The following VPS41 variants were observed in gnomAD, a reference collection of about 807,000 sequenced individuals.
VPS41 encodes the protein vacuolar protein sorting-associated protein 41 homolog.
Under a neutral mutation model 130.9 loss-of-function variants are expected in VPS41, and 85 were observed. That is an observed-to-expected ratio of 0.65 (90% CI 0.55 to 0.78). The LOEUF is 0.78. Among genes scored for constraint, VPS41 ranks in the 30% least tolerant of loss-of-function variants. The probability of loss-of-function intolerance (pLI) is 0.00; values close to 1 mark genes in which losing one functional copy is unlikely to be tolerated. For synonymous variants in VPS41, 335 were observed against 332.9 expected, an observed-to-expected ratio of 1.01 and a Z score of -0.07; for missense variants, 874 against 1,018.7, an observed-to-expected ratio of 0.86 and a Z score of 1.93.
chr7:38,767,724 T>C, intron 14 of VPS41, 126 bp from the exon 15 acceptor site: 1 of 489,320 alleles, frequency 2.0e-6, no homozygotes, highest in South Asian at 4.5e-5. Flanking sequence ...CTGTTTATAC[T>C]CTTAGCTTGC....
intron 4 of VPS41, among the ~76,000 whole-genome samples, chr7:38,850,180 C>T (rs1464300015): frequency 6.6e-6 from 1 of 152,194 alleles, no homozygotes; most frequent in East Asian, 1.9e-4. Flanking sequence ...TGTCCCAGCA[C>T]CAGGATCTGG....
intron 1 of VPS41, among the ~76,000 whole-genome samples, chr7:38,904,008 A>G (rs1787198040): frequency 6.6e-6 from 1 of 152,170 alleles, no homozygotes; most frequent in South Asian, 2.1e-4. Flanking sequence ...AGTTTGGGGA[A>G]TTAGCTAATA....
At position 38,726,102 on chromosome 7, in the gene VPS41, C is replaced by A; in HGVS notation, c.*144G>T. The A allele has an allele frequency of 1.6e-6, 1 of 628,934 alleles. No individual in the cohort carries two copies. Among genetic ancestry groups the A allele is most frequent in the African/African-American group, 1.8e-5 (1 of 54,582 alleles). The allele number at this position is 628,934 out of a possible 1,614,324, so 39.0% of individuals were successfully genotyped here. On this transcript the variant is annotated 3_prime_UTR_variant, in exon 29 of 29. Coordinates refer to ENST00000310301, the MANE Select transcript of VPS41 (RefSeq NM_014396.4). ...GAACTGCAAAGAGAAACCATTAGTA[C>A]AGGAATAGATGAAGAAATTGTTTTT...
chr7:38,795,855 A>T (rs1331396000), intron 8 of VPS41, among the ~76,000 whole-genome samples: 2 of 152,238 alleles, frequency 1.3e-5, no homozygotes, highest in Non-Finnish European at 2.9e-5. Flanking sequence ...ACTCAAACCC[A>T]ACAGAAACAT....
intron 1 of VPS41, among the ~76,000 whole-genome samples, chr7:38,903,628 C>G (rs536992241): frequency 6.6e-6 from 1 of 152,338 alleles, no homozygotes; most frequent in South Asian, 2.1e-4. Context: ...TCCCAACAAA[C>G]TATGCGCCCT....
At chr7:38,756,578 T>C (rs1203478792) in intron 19 of VPS41, among the ~76,000 whole-genome samples, 4 of 152,150 alleles carry the variant, frequency 2.6e-5, no homozygotes, top group Non-Finnish European at 5.9e-5. Context: ...AATTACTTTA[T>C]ATGCGCACAC....
chr7:38,774,124 A>T lies in VPS41; in HGVS notation c.1003T>A (p.Tyr335Asn). 1 of 1,602,316 alleles carries T rather than the reference A, an allele frequency of 6.2e-7. No individual in the cohort carries two copies. Among genetic ancestry groups the T allele is most frequent in the Non-Finnish European group, 8.5e-7 (1 of 1,171,976 alleles). The change falls in exon 12 of 29, where the codon TAT (tyrosine) becomes AAT (asparagine). Residue 335 changes from tyrosine (Y) to asparagine (N), a missense_variant. Physicochemically the swap from Tyr to Asn is moderately radical, Grantham distance 143 (BLOSUM62 -2). Coordinates refer to ENST00000310301, the MANE Select transcript of VPS41 (RefSeq NM_014396.4). Reference protein sequence around the residue: ...RGFQENECRDYHLEYSEGESL... With the variant: ...RGFQENECRDNHLEYSEGESL... ...CTTTCATATCTCCTACCTAAATGATAATCTCTACATTCATTCTCCTGAAAG... is the reference window on the plus strand; with the variant it reads ...CTTTCATATCTCCTACCTAAATGATTATCTCTACATTCATTCTCCTGAAAG...
chr7:38,755,009 G>A (rs946939993), intron 19 of VPS41, 73 bp from the exon 20 acceptor site: 9 of 1,407,602 alleles, frequency 6.4e-6, no homozygotes, highest in East Asian at 2.3e-5. Flanking sequence ...ACAATGCAGT[G>A]TACCTACCAC....
At chr7:38,741,644 G>C (rs1012412707) in intron 25 of VPS41, among the ~76,000 whole-genome samples, 2 of 152,168 alleles carry the variant, frequency 1.3e-5, no homozygotes, top group African/African-American at 4.8e-5. Flanking sequence ...GGGGTGGCCC[G>C]ATCTAATGGC....
intron 4 of VPS41, among the ~76,000 whole-genome samples, chr7:38,859,652 G>C (rs1460451980): frequency 6.6e-6 from 1 of 152,164 alleles, no homozygotes; most frequent in Admixed American, 6.5e-5. Flanking sequence ...ACAGTAGGCT[G>C]TACCACCTAG....
At chr7:38,882,521 T>C (rs953609458) in intron 2 of VPS41, among the ~76,000 whole-genome samples, 4 of 152,186 alleles carry the variant, frequency 2.6e-5, no homozygotes, top group Admixed American at 6.5e-5. Flanking sequence ...CAGTCCAGAC[T>C]TGAACTACTC....
At chr7:38,741,764 T>C (rs1403818703) in intron 25 of VPS41, among the ~76,000 whole-genome samples, 3 of 152,230 alleles carry the variant, frequency 2.0e-5, no homozygotes, top group Admixed American at 6.5e-5. Context: ...AAGAATCAAA[T>C]AGCCTTCTTA....
At chr7:38,881,869 A>C (rs144761109) in intron 2 of VPS41, among the ~76,000 whole-genome samples, 1,554 of 152,230 alleles carry the variant, frequency 0.01, 6 homozygotes, top group Non-Finnish European at 0.014. Flanking sequence ...CAGGGTGCCT[A>C]TCCTCACGAA....
intron 5 of VPS41, among the ~76,000 whole-genome samples, chr7:38,829,362 A>T (rs1785341464): frequency 6.6e-6 from 1 of 152,192 alleles, no homozygotes; most frequent in Admixed American, 6.5e-5. Context: ...TTTTTAATTT[A>T]CCCATCTTAA....
intron 2 of VPS41, among the ~76,000 whole-genome samples, chr7:38,877,449 T>TCTTCTAGCA (rs1249106140): frequency 1.3e-5 from 2 of 152,290 alleles, no homozygotes; most frequent in East Asian, 1.9e-4. Context: ...AACTATATCA[T>TCTTCTAGCA]CTTCTAGCAG....
chr7:38,772,179 A>C (rs1784166732), intron 13 of VPS41, among the ~76,000 whole-genome samples: 2 of 152,314 alleles, frequency 1.3e-5, no homozygotes. Context: ...GATAAGTATA[A>C]AATAAACGAT....
At chr7:38,764,913 C>T (rs1784005306) in intron 16 of VPS41, among the ~76,000 whole-genome samples, 1 of 152,080 alleles carries the variant, frequency 6.6e-6, no homozygotes, top group Non-Finnish European at 1.5e-5. Flanking sequence ...GGATAAAATC[C>T]TCCAGAAACC....
intron 24 of VPS41, 102 bp downstream of exon 24, chr7:38,743,300 A>AT: frequency 7.2e-7 from 1 of 1,395,646 alleles, no homozygotes; most frequent in East Asian, 2.3e-5. Context: ...GTACGCTACC[A>AT]TTTTCTTAAC....
chr7:38,788,615 C>A (rs1180966695), intron 10 of VPS41, among the ~76,000 whole-genome samples: 1 of 151,962 alleles, frequency 6.6e-6, no homozygotes, highest in African/African-American at 2.4e-5. Context: ...TTTTTATTTT[C>A]TAGTAGGCAA....
Sources: allele counts gnomAD v4.1 joint callset (sites outside exome capture counted in the v4.1 genomes callset), GRCh38; gene constraint gnomAD v4.1.1; transcripts MANE v1.5; gene names NCBI Gene and HGNC (gene_info 2026-07-23, HGNC 2026-07-21).